Variants in GNG7 observed in about 807,000 individuals in gnomAD.
GNG7 encodes the protein G protein subunit gamma 7.
Under a neutral mutation model 4.0 loss-of-function variants are expected in GNG7, and 1 was observed. The ratio of observed to expected loss-of-function variants is 0.25; its 90% confidence interval spans 0.09 to 1.18. GNG7 has a LOEUF of 1.18. Among genes scored for constraint, GNG7 ranks in the 50% most tolerant of loss-of-function variants. The pLI, the probability that GNG7 is intolerant of heterozygous loss-of-function variation, is 0.50. For synonymous variants in GNG7, 34 were observed against 36.9 expected (o/e 0.92, Z 0.29); for missense variants, 86 against 91.9 (o/e 0.94, Z 0.26).
intron 1 of GNG7, among the ~76,000 whole-genome samples, chr19:2,695,464 C>T (rs183605268): frequency 1.1e-4 from 16 of 152,266 alleles, no homozygotes; most frequent in Non-Finnish European, 1.6e-4. Flanking sequence ...GGGCCTGGCA[C>T]CAGTTCTGAG....
Position 2,544,139 on chromosome 19 carries a change from G to T in GNG7, c.-38+11010C>A, listed in dbSNP as rs77752184. Among the ~76,000 whole-genome samples, 603 of 152,330 alleles carry T rather than the reference G, an allele frequency of 4.0e-3. 6 individuals carry two copies. Among genetic ancestry groups the T allele is most frequent in the East Asian group, 0.026 (134 of 5,182 alleles). ...CCCGTGGAGGGATGACTGCTTCTGAGAACACAGTGTTCAGAGACAAGAGAG... is the reference window on the plus strand; with the variant it reads ...CCCGTGGAGGGATGACTGCTTCTGATAACACAGTGTTCAGAGACAAGAGAG... On this transcript the variant is annotated intron_variant, in intron 3 of 4. Coordinates refer to ENST00000382159, the MANE Select transcript of GNG7 (RefSeq NM_052847.3).
chr19:2,673,274 A>C (rs924525657), intron 1 of GNG7, among the ~76,000 whole-genome samples: 1 of 147,966 alleles, frequency 6.8e-6, no homozygotes, highest in African/African-American at 2.5e-5. Flanking sequence ...AAAACAAAAC[A>C]AAACAAAACA....
intron 1 of GNG7, among the ~76,000 whole-genome samples, chr19:2,661,365 G>A (rs1303097476): frequency 1.7e-5 from 2 of 117,750 alleles, no homozygotes; most frequent in African/African-American, 3.2e-5. Context: ...AGAAAGAAAT[G>A]GGCCCTCCAG....
intron 2 of GNG7, among the ~76,000 whole-genome samples, chr19:2,605,507 CTTTTTTTT>C (rs10602276): frequency 1.6e-4 from 10 of 62,458 alleles, no homozygotes; most frequent in Middle Eastern, 0.013. Context: ...CCAAATCTCA[CTTTTTTTT>C]TTTTTTTTTT....
intron 2 of GNG7, among the ~76,000 whole-genome samples, chr19:2,560,954 C>CAAA (rs33963257): frequency 7.5e-6 from 1 of 132,600 alleles, no homozygotes. Flanking sequence ...GAGACTGTTT[C>CAAA]AAAAAAAAAA....
At chr19:2,680,592 T>TTTTA (rs1983706854) in intron 1 of GNG7, among the ~76,000 whole-genome samples, 1 of 146,128 alleles carries the variant, frequency 6.8e-6, no homozygotes, top group Non-Finnish European at 1.5e-5. Context: ...TTTTTTTTTT[T>TTTTA]GAGATGGAGT....
chr19:2,548,124 C>A (rs1325422533), intron 3 of GNG7, among the ~76,000 whole-genome samples: 1 of 152,138 alleles, frequency 6.6e-6, no homozygotes, highest in Admixed American at 6.5e-5. Context: ...GCCCAGGGAG[C>A]TTCTCCCTGA....
At chr19:2,539,580 C>T (rs549413300) in intron 3 of GNG7, among the ~76,000 whole-genome samples, 5 of 152,224 alleles carry the variant, frequency 3.3e-5, no homozygotes, top group South Asian at 2.1e-4. Flanking sequence ...GCTGGGATTA[C>T]AGGCGGGAGA....
chr19:2,578,454 A>C (rs1251764376), intron 2 of GNG7, among the ~76,000 whole-genome samples: 1 of 152,220 alleles, frequency 6.6e-6, no homozygotes, highest in African/African-American at 2.4e-5. Context: ...GCAGAATATA[A>C]ATAAATCAAC....
In GNG7 at chr19:2,515,259, A is replaced by G. The variant is rs543014927; in HGVS notation, c.82-112T>C. ...ACAGGCGGAAACAGCTCAGGAGCCC[A>G]TTGATGGGGGCGTGGGCAAACAGTG... On this transcript the variant is annotated intron_variant, in intron 4 of 4. Coordinates refer to ENST00000382159, the MANE Select transcript of GNG7 (RefSeq NM_052847.3). 54 of 1,365,796 alleles carry G rather than the reference A, an allele frequency of 4.0e-5. No homozygotes were observed. The South Asian group carries it at 6.0e-4, about 15-fold the overall frequency. The allele number at this position is 1,365,796 out of a possible 1,614,324, so 84.6% of individuals were successfully genotyped here.
At chr19:2,592,505 C>T (rs770034704) in intron 2 of GNG7, among the ~76,000 whole-genome samples, 2 of 151,928 alleles carry the variant, frequency 1.3e-5, no homozygotes, top group Non-Finnish European at 2.9e-5. Flanking sequence ...GAGACTGAGG[C>T]AGGAAGATCG....
intron 1 of GNG7, among the ~76,000 whole-genome samples, chr19:2,685,689 C>T (rs1022518138): frequency 4.6e-5 from 7 of 152,094 alleles, no homozygotes; most frequent in South Asian, 2.1e-4. Flanking sequence ...GAGTCAGAGA[C>T]GGGGGACAGG....
chr19:2,553,965 CAT>C (rs1461323299), intron 3 of GNG7, among the ~76,000 whole-genome samples: 3 of 118,656 alleles, frequency 2.5e-5, no homozygotes, highest in East Asian at 2.2e-4. Flanking sequence ...ATATATTACA[CAT>C]ATGTATATAT....
chr19:2,660,068 C>G (rs1983107728), intron 1 of GNG7, among the ~76,000 whole-genome samples: 1 of 152,176 alleles, frequency 6.6e-6, no homozygotes, highest in Non-Finnish European at 1.5e-5. Flanking sequence ...GCGGATCACA[C>G]AGCAGTCCTC....
At chr19:2,571,635 G>A (rs1014930107) in intron 2 of GNG7, among the ~76,000 whole-genome samples, 3 of 116,512 alleles carry the variant, frequency 2.6e-5, no homozygotes, top group South Asian at 2.8e-4. Flanking sequence ...TTGCTCTGTC[G>A]CCCAGGCTAG....
chr19:2,530,459 G>A (rs1341118877), intron 3 of GNG7, among the ~76,000 whole-genome samples: 2 of 149,554 alleles, frequency 1.3e-5, no homozygotes, highest in African/African-American at 5.0e-5. Context: ...GGTGGCTCAA[G>A]CCTGTAATCC....
At chr19:2,631,272 G>T (rs1982151605) in intron 2 of GNG7, among the ~76,000 whole-genome samples, 1 of 152,194 alleles carries the variant, frequency 6.6e-6, no homozygotes, top group Admixed American at 6.5e-5. Flanking sequence ...AGAGTTGGGA[G>T]CCCAAGCCCT....
intron 2 of GNG7, among the ~76,000 whole-genome samples, chr19:2,577,331 C>T (rs1226121080): frequency 6.6e-6 from 1 of 152,192 alleles, no homozygotes; most frequent in African/African-American, 2.4e-5. Flanking sequence ...ATCCAGCATT[C>T]CCTCAGGCTG....
chr19:2,694,245 G>T (rs1395267399), intron 1 of GNG7, among the ~76,000 whole-genome samples: 2 of 150,798 alleles, frequency 1.3e-5, no homozygotes, highest in East Asian at 1.9e-4. Flanking sequence ...TTGGGGGGGG[G>T]CAGGGAATAG....
Sources: gnomAD v4.1 joint callset for allele counts (sites outside exome capture counted in the v4.1 genomes callset) on GRCh38, gnomAD v4.1.1 for gene constraint, MANE v1.5 for transcripts, NCBI Gene and HGNC (gene_info 2026-07-23, HGNC 2026-07-21) for gene names.